Variants in CNTN5 observed in about 807,000 individuals in gnomAD.
CNTN5 encodes contactin-5.
Under a neutral mutation model 129.1 loss-of-function variants are expected in CNTN5, and 77 were observed. The observed-to-expected ratio is 0.60, with a 90% CI of 0.50 to 0.72. The LOEUF (loss-of-function observed/expected upper bound fraction) is 0.72, where lower values mean the gene tolerates loss of function less well. Among genes scored for constraint, CNTN5 ranks in the 30% least tolerant of loss-of-function variants. The probability of loss-of-function intolerance (pLI) is 0.00; values close to 1 mark genes in which losing one functional copy is unlikely to be tolerated. For synonymous variants in CNTN5, 509 were observed against 465.6 expected, an observed-to-expected ratio of 1.09 and a Z score of -1.20; for missense variants, 1,478 against 1,328.8, an observed-to-expected ratio of 1.11 and a Z score of -1.75.
chr11:100,187,231 G>A (rs1211876540), intron 13 of CNTN5, among the ~76,000 whole-genome samples: 5 of 152,030 alleles, frequency 3.3e-5, no homozygotes, highest in Admixed American at 6.6e-5. Context: ...TTTGTACATC[G>A]ATTTTGTATC....
chr11:99,940,761 A>G (rs1298311534), intron 7 of CNTN5, among the ~76,000 whole-genome samples: 5 of 152,080 alleles, frequency 3.3e-5, no homozygotes, highest in Non-Finnish European at 7.4e-5. Flanking sequence ...CCATTCCACC[A>G]CAAAGATCTA....
intron 3 of CNTN5, among the ~76,000 whole-genome samples, chr11:99,667,158 T>A (rs538111778): frequency 9.2e-5 from 14 of 152,210 alleles, no homozygotes; most frequent in Admixed American, 6.5e-4. Flanking sequence ...TGAATCATAG[T>A]TGTTTTTTTA....
intron 2 of CNTN5, among the ~76,000 whole-genome samples, chr11:99,378,263 C>T (rs1256240243): frequency 1.3e-5 from 2 of 152,064 alleles, no homozygotes; most frequent in Admixed American, 6.6e-5. Flanking sequence ...TTTCTATTTT[C>T]GTAAAGCTGT....
chr11:99,606,820 C>A lies in CNTN5; in HGVS notation c.55+50551C>A, dbSNP rs921804626. On this transcript the variant is annotated intron_variant, in intron 3 of 24. Transcript: ENST00000524871. ...ATATCTACAACTATCTGATCTTTGACAAACCTGAGAAAAACAAGCAATGGG... is the reference window on the plus strand; with the variant it reads ...ATATCTACAACTATCTGATCTTTGAAAAACCTGAGAAAAACAAGCAATGGG... Among the ~76,000 whole-genome samples the A allele has an allele frequency of 2.0e-3, 284 of 140,174 alleles. 7 individuals are homozygous for A. The highest frequency in any genetic ancestry group is 1.8e-3 in the Non-Finnish European group (115 of 63,026). 92.0% of individuals were successfully genotyped at this position (140,174 alleles called of 152,430 possible).
At chr11:99,477,954 T>A (rs1385812598) in intron 2 of CNTN5, among the ~76,000 whole-genome samples, 1 of 152,062 alleles carries the variant, frequency 6.6e-6, no homozygotes, top group Non-Finnish European at 1.5e-5. Flanking sequence ...ATGTGAATAT[T>A]ATAGAGACAC....
chr11:99,227,588 A>G (rs959973711), intron 1 of CNTN5, among the ~76,000 whole-genome samples: 2 of 152,092 alleles, frequency 1.3e-5, no homozygotes, highest in African/African-American at 2.4e-5. Flanking sequence ...AATTTTATAT[A>G]CTCTTTGTTT....
intron 2 of CNTN5, among the ~76,000 whole-genome samples, chr11:99,412,563 C>T (rs1942446905): frequency 6.6e-6 from 1 of 152,188 alleles, no homozygotes; most frequent in Non-Finnish European, 1.5e-5. Flanking sequence ...GCACCAGCTA[C>T]TCTGTTAATA....
At chr11:99,305,933 A>G (rs1864854395) in intron 1 of CNTN5, among the ~76,000 whole-genome samples, 1 of 152,022 alleles carries the variant, frequency 6.6e-6, no homozygotes, top group Admixed American at 6.6e-5. Context: ...GGGAGCCGAG[A>G]TCTCGTCTCT....
At chr11:99,244,326 A>C (rs1278429001) in intron 1 of CNTN5, among the ~76,000 whole-genome samples, 1 of 152,136 alleles carries the variant, frequency 6.6e-6, no homozygotes, top group Non-Finnish European at 1.5e-5. Flanking sequence ...ACATTACTGA[A>C]GTTGTTTATC....
At chr11:99,126,979 G>A (rs745446435) in intron 1 of CNTN5, among the ~76,000 whole-genome samples, 8 of 152,108 alleles carry the variant, frequency 5.3e-5, no homozygotes, top group Non-Finnish European at 1.0e-4. Context: ...CTCTCAGGGA[G>A]CCATGCCATT....
At chr11:100,178,311 T>C (rs1342524313) in intron 13 of CNTN5, among the ~76,000 whole-genome samples, 1 of 152,106 alleles carries the variant, frequency 6.6e-6, no homozygotes, top group Non-Finnish European at 1.5e-5. Context: ...TTTTGAATTC[T>C]CCTCCTTTGC....
At position 99,672,032 on chromosome 11, in the gene CNTN5, C is replaced by T. The variant is rs568584959; in HGVS notation, c.55+115763C>T. ...TGTCATCATCTCCTTTCCTGCTAAT[C>T]AGCGGTATCCAAAATGACATGACCA... On this transcript the variant is annotated intron_variant, in intron 3 of 24. Transcript: ENST00000524871. Among the ~76,000 whole-genome samples, 7 of 152,286 alleles carry T rather than the reference C, an allele frequency of 4.6e-5. No individual in the cohort carries two copies. The South Asian group carries it at 1.2e-3, about 27-fold the overall frequency.
intron 1 of CNTN5, among the ~76,000 whole-genome samples, chr11:99,076,452 ACACACACACACAAG>A (rs1453972914): frequency 6.6e-6 from 1 of 151,896 alleles, no homozygotes. Flanking sequence ...AACCACAAAT[ACACACACACACAAG>A]CACACACACA....
intron 3 of CNTN5, among the ~76,000 whole-genome samples, chr11:99,677,529 G>A (rs1400570879): frequency 6.6e-6 from 1 of 152,138 alleles, no homozygotes; most frequent in Admixed American, 6.6e-5. Context: ...GCAACATGCA[G>A]TCTCATGCTG....
chr11:99,274,204 G>A (rs968128679), intron 1 of CNTN5, among the ~76,000 whole-genome samples: 1 of 151,656 alleles, frequency 6.6e-6, no homozygotes, highest in African/African-American at 2.4e-5. Flanking sequence ...TTTAGGAGCA[G>A]TAAGCTTATT....
chr11:99,090,151 T>C (rs1866179677), intron 1 of CNTN5, among the ~76,000 whole-genome samples: 1 of 152,236 alleles, frequency 6.6e-6, no homozygotes, highest in Admixed American at 6.5e-5. Context: ...AATATTTTGT[T>C]CATTCATATG....
intron 3 of CNTN5, among the ~76,000 whole-genome samples, chr11:99,748,541 C>A (rs189558584): frequency 3.1e-4 from 47 of 152,130 alleles, no homozygotes; most frequent in African/African-American, 1.1e-3. Context: ...CTAGAAAAGC[C>A]AATGTATAAT....
chr11:100,164,754 C>T (rs1420465566), intron 13 of CNTN5, among the ~76,000 whole-genome samples: 5 of 151,596 alleles, frequency 3.3e-5, no homozygotes, highest in African/African-American at 1.2e-4. Context: ...TATCAGAAAA[C>T]CAGCATGTAA....
chr11:99,786,935 C>T (rs911309335), intron 3 of CNTN5, among the ~76,000 whole-genome samples: 3 of 152,110 alleles, frequency 2.0e-5, no homozygotes, highest in Non-Finnish European at 4.4e-5. Flanking sequence ...AATCGATACG[C>T]TATTTGCTAG....
Sources: allele counts gnomAD v4.1 joint callset (sites outside exome capture counted in the v4.1 genomes callset), GRCh38; gene constraint gnomAD v4.1.1; transcripts MANE v1.5; gene names NCBI Gene and HGNC (gene_info 2026-07-23, HGNC 2026-07-21).